CAMLG: variants seen among roughly 807,000 people sequenced by gnomAD.
CAMLG encodes guided entry of tail-anchored proteins factor CAMLG.
In CAMLG, 23 loss-of-function variants were observed where a neutral mutation model predicts 28.9. That is an observed-to-expected ratio of 0.80 (90% CI 0.57 to 1.13). The LOEUF (loss-of-function observed/expected upper bound fraction) is 1.13, where lower values mean the gene tolerates loss of function less well. CAMLG is among the 50% of genes most tolerant of loss of function. The pLI, the probability that CAMLG is intolerant of heterozygous loss-of-function variation, is 0.00. For synonymous variants in CAMLG, 141 were observed against 146.5 expected (o/e 0.96, Z 0.27); for missense variants, 367 against 371.9 (o/e 0.99, Z 0.11).
At chr5:134,741,567 G>A (rs1425644459) in intron 2 of CAMLG, 44 bp downstream of exon 2, 2 of 1,258,840 alleles carry the variant, frequency 1.6e-6, no homozygotes, top group African/African-American at 1.5e-5. Context: ...AATGGAAAAT[G>A]CAAAATGTTA....
rs768563841 is a variant in CAMLG, at chr5:134,751,776, G to C, written c.*826G>C. On this transcript the variant is annotated 3_prime_UTR_variant, in exon 4 of 4. Coordinates refer to ENST00000297156, the MANE Select transcript of CAMLG (RefSeq NM_001745.4). ...GCTCACCGCAACCTCCACCTTCCTG[G>C]TTCAAGGGATTCTCCTGCCTCAGCC... 3 of 152,252 alleles carry C rather than the reference G, an allele frequency of 2.0e-5. No homozygotes were observed. The highest frequency in any genetic ancestry group is 6.6e-5 in the Admixed American group (1 of 15,260). 9.4% of individuals were successfully genotyped at this position (152,252 alleles called of 1,614,324 possible). A position where few individuals can be genotyped will look rare whatever the true frequency, so the allele number is the denominator to read the frequency against.
chr5:134,738,961 C>T (rs1752952612), intron 1 of CAMLG, among the ~76,000 whole-genome samples, 169 bp downstream of exon 1: 1 of 152,092 alleles, frequency 6.6e-6, no homozygotes, highest in Non-Finnish European at 1.5e-5. Flanking sequence ...CCCTGAACCC[C>T]AGGATGTTCC....
In CAMLG at chr5:134,741,434, A is replaced by G; in HGVS notation, c.544A>G (p.Thr182Ala). ...ACCCAGTCAAGAGGATGGAAATACAACAGAAGAATTTGACTCTTTTCGAAT... is the reference window on the plus strand; with the variant it reads ...ACCCAGTCAAGAGGATGGAAATACAGCAGAAGAATTTGACTCTTTTCGAAT... ...EKPSQEDGNT[T>A]EEFDSFRIFR... The change falls in exon 2 of 4, where the codon ACA becomes GCA. Residue 182 changes from threonine (T) to alanine (A), a missense_variant. By Grantham distance (58) the Thr-to-Ala change is moderately conservative (BLOSUM62 0). Transcript: ENST00000297156. The G allele has an allele frequency of 6.2e-7, 1 of 1,614,026 alleles. No homozygotes were observed. Among genetic ancestry groups the G allele is most frequent in the Non-Finnish European group, 8.5e-7 (1 of 1,179,830 alleles).
intron 3 of CAMLG, among the ~76,000 whole-genome samples, chr5:134,746,168 A>G (rs1283353797): frequency 6.6e-6 from 1 of 151,208 alleles, no homozygotes; most frequent in South Asian, 2.1e-4. Context: ...ATTATAACGT[A>G]TCTATTCAGA....
chr5:134,750,283 T>TA (rs1753098997), intron 3 of CAMLG, among the ~76,000 whole-genome samples: 1 of 152,198 alleles, frequency 6.6e-6, no homozygotes, highest in Non-Finnish European at 1.5e-5. Flanking sequence ...CTCACACCTG[T>TA]AATCCTGACA....
At chr5:134,746,205 A>G (rs550860602) in intron 3 of CAMLG, among the ~76,000 whole-genome samples, 10 of 151,518 alleles carry the variant, frequency 6.6e-5, no homozygotes, top group South Asian at 2.1e-4. Context: ...TGTACTGACA[A>G]TGGTAAGCTC....
At chr5:134,740,905 G>A (rs1238831286) in intron 1 of CAMLG, among the ~76,000 whole-genome samples, 158 bp from the exon 2 acceptor site, 2 of 152,242 alleles carry the variant, frequency 1.3e-5, no homozygotes, top group Non-Finnish European at 2.9e-5. Context: ...ACGGCACCTG[G>A]CCGAAACCAG....
intron 2 of CAMLG, among the ~76,000 whole-genome samples, chr5:134,742,257 A>G (rs1752994594): frequency 6.6e-6 from 1 of 152,126 alleles, no homozygotes; most frequent in Admixed American, 6.6e-5. Flanking sequence ...TTTTGCATAC[A>G]TTAATTCATC....
At chr5:134,743,922 G>A in intron 2 of CAMLG, 65 bp from the exon 3 acceptor site, 1 of 742,408 alleles carries the variant, frequency 1.3e-6, no homozygotes, top group Non-Finnish European at 2.3e-6. Flanking sequence ...TCTAGCTGCT[G>A]TTTGATTTAT....
intron 3 of CAMLG, 58 bp from the exon 4 acceptor site, chr5:134,750,701 A>G (rs1485736168): frequency 2.5e-6 from 3 of 1,210,638 alleles, no homozygotes; most frequent in African/African-American, 3.0e-5. Context: ...ATGTTTGTAT[A>G]GAGCTTAATG....
At chr5:134,743,584 A>G (rs866626746) in intron 2 of CAMLG, among the ~76,000 whole-genome samples, 2 of 151,370 alleles carry the variant, frequency 1.3e-5, no homozygotes, top group African/African-American at 4.9e-5. Flanking sequence ...AAAAAAAGCA[A>G]TTGCCAGGCG....
rs1307654998 is a variant in CAMLG, at chr5:134,741,519, A to G, written c.629A>G (p.Tyr210Cys). ...GGAGTCAGAGCTTTTGTTTGCAAAT[A>G]CTTGGTAAGAAAAGATCTGTAAATT... Reference protein sequence around the residue: ...ALGVRAFVCKYLSIFAPFLTL... With the variant: ...ALGVRAFVCKCLSIFAPFLTL... Residue 210 changes from tyrosine to cysteine, a missense_variant, in exon 2 of 4, where the codon TAC becomes TGC. Transcript: ENST00000297156. 5 of 1,584,076 alleles carry G rather than the reference A, an allele frequency of 3.2e-6. No individual in the cohort carries two copies. The highest frequency in any genetic ancestry group is 4.3e-6 in the Non-Finnish European group (5 of 1,158,090).
chr5:134,743,374 A>C (rs986696279), intron 2 of CAMLG, among the ~76,000 whole-genome samples: 3 of 151,992 alleles, frequency 2.0e-5, no homozygotes, highest in Admixed American at 6.5e-5. Context: ...CTTGAGAAAC[A>C]TATTTTATGT....
intron 3 of CAMLG, among the ~76,000 whole-genome samples, chr5:134,749,169 G>A (rs1452647608): frequency 2.0e-5 from 3 of 151,414 alleles, no homozygotes; most frequent in African/African-American, 7.3e-5. Context: ...CCAGATTCAA[G>A]CAATTCTCCT....
In CAMLG at chr5:134,751,026, G is replaced by A; in HGVS notation, c.*76G>A. ...CTATATTGCAGTGTCTCTAAAGGAG[G>A]CAAATTGGTTTACACCTTCATGTAA... is the stretch of plus-strand genomic sequence containing the variant. On this transcript the variant is annotated 3_prime_UTR_variant, in exon 4 of 4. Coordinates refer to ENST00000297156, the MANE Select transcript of CAMLG (RefSeq NM_001745.4). 1.8e-6 allele frequency: 2 copies of A among 1,132,160 alleles called. No individual in the cohort carries two copies. Among genetic ancestry groups the A allele is most frequent in the Non-Finnish European group, 2.5e-6 (2 of 790,236 alleles). The allele number at this position is 1,132,160 out of a possible 1,614,324, so 70.1% of individuals were successfully genotyped here.
intron 2 of CAMLG, among the ~76,000 whole-genome samples, chr5:134,742,089 G>A (rs1752992814): frequency 6.6e-6 from 1 of 152,302 alleles, no homozygotes; most frequent in South Asian, 2.1e-4. Flanking sequence ...AAGTATATGG[G>A]AGGAAGTGAG....
chr5:134,747,385 T>C (rs570797521), intron 3 of CAMLG, among the ~76,000 whole-genome samples: 2 of 152,152 alleles, frequency 1.3e-5, no homozygotes, highest in South Asian at 4.1e-4. Context: ...CGAGGCTTGC[T>C]CTGTCACCCA....
At chr5:134,750,162 CTTG>C (rs1404649557) in intron 3 of CAMLG, among the ~76,000 whole-genome samples, 5 of 152,216 alleles carry the variant, frequency 3.3e-5, no homozygotes, top group South Asian at 4.1e-4. Flanking sequence ...TAATATTTTT[CTTG>C]TTTTTATATT....
intron 2 of CAMLG, among the ~76,000 whole-genome samples, chr5:134,742,217 C>G (rs1415482109): frequency 6.6e-6 from 1 of 152,122 alleles, no homozygotes; most frequent in Admixed American, 6.6e-5. Flanking sequence ...TACTAAAACC[C>G]ATTTTTCATT....
Sources: allele counts gnomAD v4.1 joint callset (sites outside exome capture counted in the v4.1 genomes callset), GRCh38; gene constraint gnomAD v4.1.1; transcripts MANE v1.5; gene names NCBI Gene and HGNC (gene_info 2026-07-23, HGNC 2026-07-21).